IRAK2: variants seen among roughly 807,000 people sequenced by gnomAD.
The protein encoded by IRAK2 is interleukin 1 receptor associated kinase 2.
IRAK2 carries 57 observed loss-of-function variants against 72.0 expected under a neutral mutation model. The ratio of observed to expected loss-of-function variants is 0.79; its 90% CI spans 0.64 to 0.99. IRAK2 has a LOEUF of 0.99. Ranked by LOEUF, IRAK2 falls within the 50% of genes least tolerant of loss-of-function variation. IRAK2 has a pLI of 0.00. For missense variants in IRAK2, 790 were observed against 794.4 expected (o/e 0.99, Z 0.07); for synonymous variants, 293 against 312.7 (o/e 0.94, Z 0.67).
chr3:10,197,760 A>G (rs1270745255), intron 2 of IRAK2, among the ~76,000 whole-genome samples: 22 of 146,442 alleles, frequency 1.5e-4, no homozygotes, highest in Non-Finnish European at 2.7e-4. Context: ...GCTGAGGCAG[A>G]AGAATGGCGT....
At chr3:10,239,504 GGCCAGATCACCT>G (rs57280660) in intron 12 of IRAK2, among the ~76,000 whole-genome samples, 77,104 of 151,674 alleles carry the variant, frequency 0.51, 19,727 homozygotes, top group Admixed American at 0.55. Flanking sequence ...AGGTCACCCT[GGCCAGATCACCT>G]GAGATCGAGA....
At chr3:10,229,410 C>T (rs1379822257) in intron 10 of IRAK2, among the ~76,000 whole-genome samples, 2 of 152,176 alleles carry the variant, frequency 1.3e-5, no homozygotes, top group African/African-American at 4.8e-5. Flanking sequence ...CCATGGCGCC[C>T]AGCCTGTATG....
In IRAK2 at chr3:10,170,028, T is replaced by C. The variant is rs536338669; in HGVS notation, c.94+4980T>C. Reference sequence around the variant, plus strand: ...CTGACTTCCCACAACACTACAAAGTTGGTGGCCTGTAACACCTCAAGTTTA... The same window carrying C: ...CTGACTTCCCACAACACTACAAAGTCGGTGGCCTGTAACACCTCAAGTTTA... On this transcript the variant is annotated intron_variant, in intron 1 of 12. Transcript: ENST00000256458. 3.3e-5 allele frequency among the ~76,000 whole-genome samples: 5 copies of C among 152,298 alleles called. No homozygotes were observed. In the East Asian group the frequency reaches 9.6e-4, roughly 29 times the overall value.
intron 1 of IRAK2, among the ~76,000 whole-genome samples, chr3:10,168,191 A>G (rs1261536860): frequency 2.0e-5 from 3 of 151,050 alleles, no homozygotes; most frequent in Non-Finnish European, 4.4e-5. Context: ...CCTTGTCAAC[A>G]TGTGTTATTT....
In IRAK2 at chr3:10,185,010, C is replaced by T. The variant is rs182769464; in HGVS notation, c.277+6990C>T. ...CCTCCCAAAGTGCTGGGATTACAGG[C>T]GTGAGCCCCTGCGCCGGGCCAAAAC... is the stretch of plus-strand genomic sequence containing the variant. On this transcript the variant is annotated intron_variant, in intron 2 of 12. Transcript: ENST00000256458. Among the ~76,000 whole-genome samples the T allele has an allele frequency of 1.3e-5, 2 of 150,886 alleles. 1 individual carries two copies. The highest frequency in any genetic ancestry group is 4.9e-5 in the African/African-American group (2 of 40,658).
Position 10,222,622 on chromosome 3 carries a change from T to A in IRAK2, c.1014-14T>A. ...CTCAAAATGAGAAGGTTCCCTCTCC[T>A]TTCATTTCCACAGCTCTAATGTCTT... On this transcript the variant is annotated splice_polypyrimidine_tract_variant and intron_variant, in intron 8 of 12. Transcript: ENST00000256458. The A allele has an allele frequency of 6.2e-7, 1 of 1,610,582 alleles. No homozygotes were observed. The highest frequency in any genetic ancestry group is 8.5e-7 in the Non-Finnish European group (1 of 1,176,968).
intron 3 of IRAK2, among the ~76,000 whole-genome samples, chr3:10,204,003 T>C (rs1697401326): frequency 6.6e-6 from 1 of 152,196 alleles, no homozygotes. Flanking sequence ...AGAATTCAGA[T>C]GAAAGGGTTT....
chr3:10,180,837 G>A (rs1696949293), intron 2 of IRAK2, among the ~76,000 whole-genome samples: 1 of 152,100 alleles, frequency 6.6e-6, no homozygotes, highest in Non-Finnish European at 1.5e-5. Flanking sequence ...GGGCTTTTGG[G>A]GGCATTGTGG....
chr3:10,217,475 G>A (rs1697623765), intron 7 of IRAK2, among the ~76,000 whole-genome samples: 1 of 152,246 alleles, frequency 6.6e-6, no homozygotes, highest in Admixed American at 6.5e-5. Flanking sequence ...ACAAGAAAAA[G>A]AATTAAGAGG....
At chr3:10,199,173 CA>C (rs1697316192) in intron 2 of IRAK2, among the ~76,000 whole-genome samples, 1 of 152,066 alleles carries the variant, frequency 6.6e-6, no homozygotes, top group African/African-American at 2.4e-5. Flanking sequence ...GGGATAAGAT[CA>C]GGGCCCAGTG....
intron 2 of IRAK2, among the ~76,000 whole-genome samples, chr3:10,184,575 A>G (rs1026275449): frequency 2.0e-5 from 3 of 147,956 alleles, no homozygotes; most frequent in Non-Finnish European, 4.4e-5. Flanking sequence ...CCCAAATTCC[A>G]TGGTGGAATT....
At chr3:10,222,517 T>C in intron 8 of IRAK2, 119 bp from the exon 9 acceptor site, 2 of 787,876 alleles carry the variant, frequency 2.5e-6, no homozygotes, top group South Asian at 3.3e-5. Context: ...CTGAGGGTCT[T>C]TAGAGACCTC....
rs1454336796 is a variant in IRAK2 at position 10,234,493 on chromosome 3, C to G, written c.1307C>G (p.Thr436Ser). The change falls in exon 11 of 13, where the codon ACC (threonine) becomes AGC (serine). Residue 436 changes from threonine to serine, a missense_variant. Coordinates refer to ENST00000256458, the MANE Select transcript of IRAK2 (RefSeq NM_001570.4). ...CTCCTCAGTGATATTCCAAGCAGCACCGCCTCGCTCTGCTCCAGGAAGACG... is the reference window on the plus strand; with the variant it reads ...CTCCTCAGTGATATTCCAAGCAGCAGCGCCTCGCTCTGCTCCAGGAAGACG... The part of the protein sequence containing the change: ...DLLLSDIPSS[T>S]ASLCSRKTGV... The G allele has an allele frequency of 6.2e-7, 1 of 1,614,188 alleles. No individual in the cohort carries two copies. Among genetic ancestry groups the G allele is most frequent in the South Asian group, 1.1e-5 (1 of 91,090 alleles).
rs765255175 is a variant in IRAK2, at chr3:10,238,848, C to G, written c.1574C>G (p.Thr525Ser). The change falls in exon 12 of 13, where the codon ACC (threonine) becomes AGC (serine). Residue 525 changes from threonine (T) to serine (S), a missense_variant. Physicochemically the swap from Thr to Ser is moderately conservative, Grantham distance 58. Coordinates refer to ENST00000256458, the MANE Select transcript of IRAK2 (RefSeq NM_001570.4). ...LSEGTGSSSN[T>S]PEETDDVDNS... ...GAGGGTACAGGCTCTTCTTCCAACA[C>G]CCCAGAGGAAACAGACGACGTTGAC... 6 of 1,613,966 alleles carry G rather than the reference C, an allele frequency of 3.7e-6. No individual in the cohort carries two copies. The Admixed American group carries it at 6.7e-5, about 18-fold the overall frequency.
At position 10,238,809 on chromosome 3, in the gene IRAK2, G is replaced by C; in HGVS notation, c.1535G>C (p.Trp512Ser). The part of the protein sequence containing the change: ...RLRGRETLLP[W>S]SGLSEGTGSS... ...CGAGGTCGGGAGACGTTGCTCCCTT[G>C]GAGTGGGCTTTCTGAGGGTACAGGC... Residue 512 changes from tryptophan to serine, a missense_variant, in exon 12 of 13, where the codon TGG (tryptophan) becomes TCG (serine). By Grantham distance (177) the Trp-to-Ser change is radical. Coordinates refer to ENST00000256458, the MANE Select transcript of IRAK2 (RefSeq NM_001570.4). The C allele has an allele frequency of 6.2e-7, 1 of 1,614,146 alleles. No individual in the cohort carries two copies. Among genetic ancestry groups the C allele is most frequent in the Non-Finnish European group, 8.5e-7 (1 of 1,179,992 alleles).
chr3:10,238,736 C>G lies in IRAK2; in HGVS notation c.1474-12C>G. 1 of 1,610,450 alleles carries G rather than the reference C, an allele frequency of 6.2e-7. No individual in the cohort carries two copies. Among genetic ancestry groups the G allele is most frequent in the Non-Finnish European group, 8.5e-7 (1 of 1,177,780 alleles). On this transcript the variant is annotated splice_polypyrimidine_tract_variant and intron_variant, in intron 11 of 12. Transcript: ENST00000256458. ...ATTCCTGATGAGCTCCCTTCTCTCT[C>G]TTCTCCCAAAGGTGTGTGGCTCTGT...
intron 9 of IRAK2, among the ~76,000 whole-genome samples, chr3:10,226,108 C>T (rs564262141): frequency 1.3e-5 from 2 of 152,128 alleles, no homozygotes; most frequent in African/African-American, 4.8e-5. Context: ...TACATATAAA[C>T]ACACACACAC....
At position 10,242,271 on chromosome 3, in the gene IRAK2, A is replaced by G. The variant is rs746757478; in HGVS notation, c.*43A>G. 4.2e-6 allele frequency: 5 copies of G among 1,177,406 alleles called. No individual in the cohort carries two copies. The South Asian group carries it at 5.3e-5, about 13-fold the overall frequency. 72.9% of individuals were successfully genotyped at this position (1,177,406 alleles called of 1,614,324 possible). A position where few individuals can be genotyped will look rare whatever the true frequency, so the allele number is the denominator to read the frequency against. On this transcript the variant is annotated 3_prime_UTR_variant, in exon 13 of 13. Transcript: ENST00000256458. Reference sequence around the variant, plus strand: ...AGGACCCTTGTCCTCAGTTGGAAAGATGAGCATCAGATCAAGAAAAAGGTC... The same window carrying G: ...AGGACCCTTGTCCTCAGTTGGAAAGGTGAGCATCAGATCAAGAAAAAGGTC...
At chr3:10,214,598 T>C (rs566032920) in intron 6 of IRAK2, among the ~76,000 whole-genome samples, 4 of 151,690 alleles carry the variant, frequency 2.6e-5, no homozygotes, top group Non-Finnish European at 4.4e-5. Context: ...TTGTAGGGTA[T>C]TTTAAGAAAT....
Sources: allele counts gnomAD v4.1 joint callset (sites outside exome capture counted in the v4.1 genomes callset), GRCh38; gene constraint gnomAD v4.1.1; transcripts MANE v1.5; gene names NCBI Gene and HGNC (gene_info 2026-07-23, HGNC 2026-07-21).